Variants in THADA observed in about 807,000 individuals in gnomAD.
THADA encodes the protein THADA armadillo repeat containing.
In THADA, 213 loss-of-function variants were observed where a neutral mutation model predicts 219.8. The ratio of observed to expected loss-of-function variants is 0.97; its 90% confidence interval spans 0.87 to 1.09. THADA has a LOEUF of 1.09. THADA is among the 50% of genes least tolerant of loss of function. THADA has a pLI of 0.00. For missense variants in THADA, 2,956 were observed against 2,311.3 expected (o/e 1.28, Z -5.72); for synonymous variants, 1,018 against 828.9 (o/e 1.23, Z -3.92).
chr2:43,515,378 A>T (rs1400675472), intron 22 of THADA, among the ~76,000 whole-genome samples: 7 of 86,020 alleles, frequency 8.1e-5, no homozygotes, highest in African/African-American at 2.2e-4. Flanking sequence ...TATATAATAT[A>T]TAATATTTTA....
chr2:43,564,922 C>A (rs1698489326), intron 15 of THADA: 1 of 152,082 alleles, frequency 6.6e-6, no homozygotes, highest in Non-Finnish European at 1.5e-5. Flanking sequence ...GGCATAATAA[C>A]AAAACGCAAT....
At chr2:43,331,936 CACACACACACAT>C (rs1665826843) in intron 30 of THADA, among the ~76,000 whole-genome samples, 1 of 151,998 alleles carries the variant, frequency 6.6e-6, no homozygotes, top group African/African-American at 2.4e-5. Flanking sequence ...CACACACACA[CACACACACACAT>C]TAGGTTCCCA....
chr2:43,532,185 G>A (rs1693965474), intron 21 of THADA, among the ~76,000 whole-genome samples: 1 of 151,954 alleles, frequency 6.6e-6, no homozygotes, highest in Non-Finnish European at 1.5e-5. Flanking sequence ...GCTGAGGCTG[G>A]TGGATTGCCT....
chr2:43,502,884 T>C (rs1256757595), intron 24 of THADA, among the ~76,000 whole-genome samples: 1 of 151,920 alleles, frequency 6.6e-6, no homozygotes, highest in African/African-American at 2.4e-5. Context: ...AAAACAAAAA[T>C]GAAGGGACAA....
chr2:43,490,787 G>A (rs1005043674), intron 25 of THADA, among the ~76,000 whole-genome samples: 4 of 152,094 alleles, frequency 2.6e-5, no homozygotes, highest in Non-Finnish European at 5.9e-5. Context: ...TCACAGGTAT[G>A]TATGTATAGG....
intron 28 of THADA, among the ~76,000 whole-genome samples, chr2:43,399,429 G>C (rs1323995626): frequency 1.3e-5 from 2 of 152,184 alleles, no homozygotes; most frequent in Non-Finnish European, 2.9e-5. Flanking sequence ...TAACACCCTA[G>C]AGGTTATCAC....
At chr2:43,520,531 T>C (rs913822543) in intron 22 of THADA, among the ~76,000 whole-genome samples, 3 of 151,800 alleles carry the variant, frequency 2.0e-5, no homozygotes, top group African/African-American at 4.8e-5. Context: ...CTACAAAAAA[T>C]ACAAAGAAAT....
At chr2:43,594,806 G>A (rs13429919) in intron 1 of THADA, among the ~76,000 whole-genome samples, 23 of 152,154 alleles carry the variant, frequency 1.5e-4, no homozygotes, top group African/African-American at 5.5e-4. Flanking sequence ...TTGCAAGACT[G>A]ACTCCTTCTC....
chr2:43,391,671 T>C (rs1051497575), intron 29 of THADA: 1 of 152,130 alleles, frequency 6.6e-6, no homozygotes, highest in Non-Finnish European at 1.5e-5. Context: ...AAGTAATCTT[T>C]CTTTGGCACT....
intron 22 of THADA, among the ~76,000 whole-genome samples, chr2:43,523,379 A>C (rs1365531020): frequency 6.6e-6 from 1 of 152,206 alleles, no homozygotes; most frequent in Non-Finnish European, 1.5e-5. Context: ...AAATAAATTA[A>C]ATTAAAAATA....
chr2:43,589,306 C>T (rs1232245055), intron 4 of THADA, among the ~76,000 whole-genome samples: 2 of 152,098 alleles, frequency 1.3e-5, no homozygotes, highest in African/African-American at 4.8e-5. Context: ...AGAAGAAAAT[C>T]CTGTCATATG....
At chr2:43,426,060 T>G (rs1030084046) in intron 28 of THADA, among the ~76,000 whole-genome samples, 1 of 152,220 alleles carries the variant, frequency 6.6e-6, no homozygotes, top group African/African-American at 2.4e-5. Flanking sequence ...ACAGACTGAT[T>G]GCAAACTTCT....
chr2:43,575,035 A>G lies in THADA; in HGVS notation c.1038-8T>C. On this transcript the variant is annotated splice_polypyrimidine_tract_variant and splice_region_variant and intron_variant, in intron 10 of 37. Transcript: ENST00000405975. ...AGCGTTGGCTCTTTAATCCTGAAGA[A>G]AAATGAGCCATGAGCCATTATTGTA... 6.3e-7 allele frequency: 1 copy of G among 1,588,202 alleles called. No homozygotes were observed. Among genetic ancestry groups the G allele is most frequent in the South Asian group, 1.2e-5 (1 of 86,514 alleles).
intron 30 of THADA, among the ~76,000 whole-genome samples, chr2:43,321,491 G>C (rs1461514217): frequency 2.6e-5 from 4 of 152,196 alleles, no homozygotes; most frequent in African/African-American, 9.7e-5. Flanking sequence ...TGGGTCATGA[G>C]GGTACTGTCC....
chr2:43,297,557 AG>A (rs1675630292), intron 31 of THADA, among the ~76,000 whole-genome samples: 1 of 96,690 alleles, frequency 1.0e-5, no homozygotes, highest in Non-Finnish European at 2.0e-5. Context: ...TGGGGGGGTC[AG>A]CCCCCCGCCT....
At chr2:43,239,042 C>T (rs781612969) in intron 36 of THADA, among the ~76,000 whole-genome samples, 9 of 152,192 alleles carry the variant, frequency 5.9e-5, no homozygotes, top group Non-Finnish European at 7.4e-5. Context: ...AGCTGGTACA[C>T]ATTCATGTCT....
intron 29 of THADA, among the ~76,000 whole-genome samples, chr2:43,369,601 G>A (rs112165676): frequency 3.3e-5 from 5 of 152,150 alleles, no homozygotes; most frequent in Admixed American, 2.6e-4. Context: ...CAGTTAGGTT[G>A]CTCATTAAGA....
At chr2:43,583,383 T>C (rs534556995) in intron 7 of THADA, among the ~76,000 whole-genome samples, 1 of 152,250 alleles carries the variant, frequency 6.6e-6, no homozygotes, top group African/African-American at 2.4e-5. Context: ...CACTCTCATC[T>C]CTCCCTTGGG....
At chr2:43,558,535 G>A (rs772551980) in intron 16 of THADA, among the ~76,000 whole-genome samples, 5 of 152,188 alleles carry the variant, frequency 3.3e-5, no homozygotes, top group African/African-American at 9.7e-5. Context: ...TCAGATGCCA[G>A]TGCAGCAAGA....
Sources: gnomAD v4.1 joint callset for allele counts (sites outside exome capture counted in the v4.1 genomes callset) on GRCh38, gnomAD v4.1.1 for gene constraint, MANE v1.5 for transcripts, NCBI Gene and HGNC (gene_info 2026-07-23, HGNC 2026-07-21) for gene names.